Variants in DLC1 observed in about 807,000 individuals in gnomAD.
The protein encoded by DLC1 is rho GTPase-activating protein 7.
DLC1 carries 54 observed loss-of-function variants against 140.3 expected under a neutral mutation model. The observed-to-expected ratio is 0.38, with a 90% CI of 0.31 to 0.48. The LOEUF is 0.48. Among genes scored for constraint, DLC1 ranks in the 20% least tolerant of loss-of-function variants. DLC1 has a pLI of 0.96. For synonymous variants in DLC1, 986 were observed against 728.1 expected (o/e 1.35, Z -5.70); for missense variants, 2,536 against 1,907.0 (o/e 1.33, Z -6.14).
At chr8:13,565,699 A>AAG (rs370934370) in intron 1 of DLC1, among the ~76,000 whole-genome samples, 10 of 152,068 alleles carry the variant, frequency 6.6e-5, no homozygotes, top group Non-Finnish European at 1.2e-4. Flanking sequence ...CACAGGAAGA[A>AAG]AGAGAGAGAG....
At position 13,098,446 on chromosome 8, in the gene DLC1, C is replaced by A; in HGVS notation, c.3120G>T (p.Thr1040=). 2 of 1,614,110 alleles carry A rather than the reference C, an allele frequency of 1.2e-6. No homozygotes were observed. Among genetic ancestry groups the A allele is most frequent in the Non-Finnish European group, 1.7e-6 (2 of 1,180,006 alleles). The stretch of plus-strand genomic sequence containing the variant: ...AAGGTGTGTATTTCTCCAGCAGGGC[C>A]GTTAGCTTTAGGAGTGAGTATTTCT... ...LLQKYSLLKL[T]ALLEKYTPSN... is the part of the protein sequence containing the mutation. The change falls in exon 10 of 18, where the codon ACG becomes ACT. Residue 1040 remains threonine (T), a synonymous_variant. Transcript: ENST00000276297.
intron 5 of DLC1, among the ~76,000 whole-genome samples, chr8:13,286,831 C>T (rs952144919): frequency 8.6e-5 from 13 of 151,488 alleles, no homozygotes; most frequent in Admixed American, 1.3e-4. Context: ...AAAAAGAAAG[C>T]CTTTGATAAA....
intron 1 of DLC1, among the ~76,000 whole-genome samples, chr8:13,510,520 GA>G (rs1471267535): frequency 6.6e-6 from 1 of 152,146 alleles, no homozygotes; most frequent in African/African-American, 2.4e-5. Flanking sequence ...TTGCACACAT[GA>G]AATCTCATCT....
At chr8:13,212,732 A>G (rs1467559509) in intron 5 of DLC1, among the ~76,000 whole-genome samples, 1 of 152,168 alleles carries the variant, frequency 6.6e-6, no homozygotes, top group Admixed American at 6.5e-5. Flanking sequence ...TAGTTCCAAG[A>G]ACTTCAAACA....
At chr8:13,496,549 T>C (rs558242248) in intron 2 of DLC1, among the ~76,000 whole-genome samples, 18 of 150,766 alleles carry the variant, frequency 1.2e-4, no homozygotes, top group Non-Finnish European at 7.4e-5. Flanking sequence ...CAGAGAGGTT[T>C]ATATTACTAT....
intron 5 of DLC1, among the ~76,000 whole-genome samples, chr8:13,146,717 A>G (rs570210266): frequency 1.1e-4 from 17 of 152,262 alleles, no homozygotes; most frequent in African/African-American, 4.1e-4. Context: ...TAGAATGCTT[A>G]AAGTTGAGAG....
chr8:13,099,075 G>A (rs548408061), intron 9 of DLC1, among the ~76,000 whole-genome samples: 9 of 127,434 alleles, frequency 7.1e-5, no homozygotes, highest in African/African-American at 2.3e-4. Context: ...TTTTAAATGT[G>A]CAGTTGAGTG....
At chr8:13,186,277 G>A (rs1024901900) in intron 5 of DLC1, among the ~76,000 whole-genome samples, 2 of 152,100 alleles carry the variant, frequency 1.3e-5, no homozygotes, top group African/African-American at 4.8e-5. Flanking sequence ...CATCACTTTC[G>A]GGTACACCAA....
intron 1 of DLC1, chr8:13,567,464 C>G: frequency 6.4e-7 from 1 of 1,552,104 alleles, no homozygotes; most frequent in Non-Finnish European, 8.7e-7. Context: ...GATGTAGAGG[C>G]TTCAGAGAGA....
chr8:13,454,196 G>A (rs1050229452), intron 2 of DLC1, among the ~76,000 whole-genome samples: 2 of 152,010 alleles, frequency 1.3e-5, no homozygotes, highest in Non-Finnish European at 2.9e-5. Flanking sequence ...TGAGAATCAT[G>A]TCTCCTGGGA....
At chr8:13,462,359 G>A (rs1048536172) in intron 2 of DLC1, among the ~76,000 whole-genome samples, 12 of 149,732 alleles carry the variant, frequency 8.0e-5, no homozygotes, top group African/African-American at 2.9e-4. Flanking sequence ...GGCTGACAAT[G>A]TATCCTGAAC....
intron 4 of DLC1, among the ~76,000 whole-genome samples, chr8:13,329,171 T>C (rs1833489828): frequency 6.6e-6 from 1 of 152,186 alleles, no homozygotes; most frequent in Admixed American, 6.5e-5. Flanking sequence ...ACAGTCTAGA[T>C]GGGGAGACCA....
intron 1 of DLC1, among the ~76,000 whole-genome samples, chr8:13,532,493 G>A (rs1044671277): frequency 2.0e-5 from 3 of 152,214 alleles, no homozygotes; most frequent in Admixed American, 2.0e-4. Context: ...TACAGATAAA[G>A]TAACTGAGGC....
chr8:13,278,676 C>G (rs557051889), intron 5 of DLC1, among the ~76,000 whole-genome samples: 1 of 152,124 alleles, frequency 6.6e-6, no homozygotes, highest in Non-Finnish European at 1.5e-5. Context: ...CACAGTCACT[C>G]CCAGCATGAA....
intron 3 of DLC1, among the ~76,000 whole-genome samples, chr8:13,397,335 A>G (rs367773804): frequency 3.0e-4 from 46 of 152,266 alleles, no homozygotes; most frequent in African/African-American, 1.0e-3. Flanking sequence ...AAGAGGAGCC[A>G]CTGAAGGGTC....
Position 13,092,861 on chromosome 8 carries a change from G to A in DLC1, c.3527-36C>T, listed in dbSNP as rs937179229. 4.4e-6 allele frequency: 7 copies of A among 1,591,604 alleles called. No individual in the cohort carries two copies. In the South Asian group the frequency reaches 5.6e-5, roughly 13 times the overall value. On this transcript the variant is annotated intron_variant, in intron 12 of 17. Coordinates refer to ENST00000276297, the MANE Select transcript of DLC1 (RefSeq NM_182643.3). ...CCAGCACTTTCTCCATCAGCTTGGTGAATTTGCATGGACATTGCAAGGAAA... is the reference window on the plus strand; with the variant it reads ...CCAGCACTTTCTCCATCAGCTTGGTAAATTTGCATGGACATTGCAAGGAAA...
Position 13,453,519 on chromosome 8 carries a change from TATATATATGTATATATATAC to T in DLC1, c.1023+45510_1023+45529del, listed in dbSNP as rs1563360751. On this transcript the variant is annotated intron_variant, in intron 2 of 17. Coordinates refer to ENST00000276297, the MANE Select transcript of DLC1 (RefSeq NM_182643.3). Reference sequence around the variant, plus strand: ...ATATATATGTATATATATATACATATATATATATGTATATATATACATATATATATATATATATTTTTTTT... The same window carrying T: ...ATATATATGTATATATATATACATATATATATATATATATATATTTTTTTT... 3.4e-4 allele frequency among the ~76,000 whole-genome samples: 15 copies of T among 44,700 alleles called. 1 individual carries two copies. The highest frequency in any genetic ancestry group is 1.2e-3 in the Admixed American group (4 of 3,350). 29.3% of individuals were successfully genotyped at this position (44,700 alleles called of 152,430 possible).
chr8:13,224,348 G>C (rs990340168), intron 5 of DLC1, among the ~76,000 whole-genome samples: 1 of 152,206 alleles, frequency 6.6e-6, no homozygotes, highest in Admixed American at 6.5e-5. Context: ...TTTCAGTCCG[G>C]TTGGTCAGAA....
At chr8:13,413,505 T>C (rs28705269) in intron 2 of DLC1, among the ~76,000 whole-genome samples, 18,414 of 151,682 alleles carry the variant, frequency 0.12, 1,393 homozygotes, top group Admixed American at 0.19. Flanking sequence ...CACACATATA[T>C]ATATATATAC....
Sources: gnomAD v4.1 joint callset for allele counts (sites outside exome capture counted in the v4.1 genomes callset) on GRCh38, gnomAD v4.1.1 for gene constraint, MANE v1.5 for transcripts, NCBI Gene and HGNC (gene_info 2026-07-23, HGNC 2026-07-21) for gene names.